DYNC2H1: variants seen among roughly 807,000 people sequenced by gnomAD.
DYNC2H1 encodes dynein cytoplasmic 2 heavy chain 1.
A neutral mutation model predicts 570.0 loss-of-function variants in DYNC2H1; 410 were observed. That is an observed-to-expected ratio of 0.72 (90% CI 0.66 to 0.78). DYNC2H1 has a LOEUF of 0.78. Among genes scored for constraint, DYNC2H1 ranks in the 30% least tolerant of loss-of-function variants. The probability of loss-of-function intolerance (pLI) is 0.00; values close to 1 mark genes in which losing one functional copy is unlikely to be tolerated. For synonymous variants in DYNC2H1, 1,688 were observed against 1,677.6 expected, an observed-to-expected ratio of 1.01 and a Z score of -0.15; for missense variants, 4,865 against 5,046.4, an observed-to-expected ratio of 0.96 and a Z score of 1.09.
At chr11:103,218,976 A>G (rs1012855355) in intron 55 of DYNC2H1, among the ~76,000 whole-genome samples, 1 of 152,234 alleles carries the variant, frequency 6.6e-6, no homozygotes, top group Admixed American at 6.5e-5. Context: ...ATTAAATGCT[A>G]TACAAACTCA....
At chr11:103,333,761 A>G (rs11225719) in intron 82 of DYNC2H1, among the ~76,000 whole-genome samples, 7,947 of 152,316 alleles carry the variant, frequency 0.052, 258 homozygotes, top group Non-Finnish European at 0.076. Context: ...CAAAAATCCA[A>G]TAAATAGAAG....
intron 69 of DYNC2H1, among the ~76,000 whole-genome samples, chr11:103,258,515 G>A (rs1424257172): frequency 1.3e-5 from 2 of 152,190 alleles, no homozygotes; most frequent in African/African-American, 2.4e-5. Context: ...TCAGCTGAGA[G>A]GACTTGAGAG....
chr11:103,351,175 G>GTT (rs1472442648), intron 82 of DYNC2H1, among the ~76,000 whole-genome samples: 12 of 152,120 alleles, frequency 7.9e-5, no homozygotes, highest in Non-Finnish European at 1.5e-4. Context: ...TGGGCTGGAA[G>GTT]GTTCAAAATG....
At chr11:103,172,989 T>G in intron 34 of DYNC2H1, 93 bp from the exon 35 acceptor site, 1 of 621,804 alleles carries the variant, frequency 1.6e-6, no homozygotes, top group Non-Finnish European at 2.2e-6. Context: ...GCATATTTTA[T>G]GTTTATAGTT....
intron 83 of DYNC2H1, among the ~76,000 whole-genome samples, chr11:103,374,103 T>A (rs779082055): frequency 3.3e-5 from 5 of 152,188 alleles, no homozygotes; most frequent in Non-Finnish European, 5.9e-5. Flanking sequence ...TAGGGTCTTG[T>A]TTATCGATTC....
chr11:103,293,632 A>G (rs1455364192), intron 75 of DYNC2H1, among the ~76,000 whole-genome samples: 7 of 151,306 alleles, frequency 4.6e-5, no homozygotes, highest in Non-Finnish European at 1.0e-4. Flanking sequence ...TTTCTCCTCT[A>G]TATTTTCATG....
At chr11:103,432,524 T>C (rs185861555) in intron 84 of DYNC2H1, among the ~76,000 whole-genome samples, 38 of 152,256 alleles carry the variant, frequency 2.5e-4, no homozygotes, top group Admixed American at 8.5e-4. Context: ...AAATGTGTTG[T>C]TGATGTTGCC....
Position 103,256,267 on chromosome 11 carries a change from G to A in DYNC2H1, c.10461+27G>A, listed in dbSNP as rs959890. The stretch of plus-strand genomic sequence containing the variant: ...TAATTATTTCCTTCTTTGTAATTTC[G>A]TATTATGTTTTCTTGAACATTTAGG... On this transcript the variant is annotated intron_variant, in intron 68 of 88. Transcript: ENST00000375735. The surrounding 1 kb of genome is among the most constrained non-coding windows in gnomAD (Gnocchi z 4.0). 174,563 of 1,561,820 alleles carry A rather than the reference G, an allele frequency of 0.11. 10,506 individuals are homozygous for A. Among genetic ancestry groups the A allele is most frequent in the East Asian group, 0.12 (5,213 of 43,386 alleles).
Position 103,275,599 on chromosome 11 carries a change from T to C in DYNC2H1, c.10696-4749T>C, listed in dbSNP as rs555358477. Among the ~76,000 whole-genome samples, 28 of 152,362 alleles carry C rather than the reference T, an allele frequency of 1.8e-4. No individual in the cohort carries two copies. The highest frequency in any genetic ancestry group is 6.7e-4 in the African/African-American group (28 of 41,580). ...AATTATATTTGTCATATAATTGGAATCATACAGTATGTCAGTATGTAGCCT... is the reference window on the plus strand; with the variant it reads ...AATTATATTTGTCATATAATTGGAACCATACAGTATGTCAGTATGTAGCCT... On this transcript the variant is annotated intron_variant, in intron 70 of 88. Coordinates refer to ENST00000375735, the MANE Select transcript of DYNC2H1 (RefSeq NM_001377.3). The surrounding 1 kb of genome is among the most constrained non-coding windows in gnomAD (Gnocchi z 4.8).
At chr11:103,316,492 T>C (rs1319919046) in intron 79 of DYNC2H1, 53 bp from the exon 80 acceptor site, 8 of 1,241,664 alleles carry the variant, frequency 6.4e-6, no homozygotes, top group Non-Finnish European at 9.0e-6. Flanking sequence ...TACATACATA[T>C]ATATCTTTGA....
intron 84 of DYNC2H1, among the ~76,000 whole-genome samples, chr11:103,408,615 C>T (rs571074170): frequency 6.6e-6 from 1 of 152,076 alleles, no homozygotes; most frequent in African/African-American, 2.4e-5. Context: ...ACTCAGATCA[C>T]ATAGGACTTT....
In DYNC2H1 at chr11:103,179,236, A is replaced by G; in HGVS notation, c.6347+3A>G. 6.2e-7 allele frequency: 1 copy of G among 1,612,154 alleles called. No homozygotes were observed. The highest frequency in any genetic ancestry group is 8.5e-7 in the Non-Finnish European group (1 of 1,178,620). ...AGAATGGGAATGATCTTTCTTAGGT[A>G]AGCCATAGATTATTTATATACAGTA... On this transcript the variant is annotated splice_donor_region_variant and intron_variant, in intron 39 of 88. Transcript: ENST00000375735.
At chr11:103,389,565 C>T (rs1212534529) in intron 83 of DYNC2H1, among the ~76,000 whole-genome samples, 5 of 152,022 alleles carry the variant, frequency 3.3e-5, no homozygotes, top group Non-Finnish European at 7.4e-5. Flanking sequence ...GCTCTTGCTT[C>T]TCTAGTTTTT....
At chr11:103,118,351 C>A (rs1858522506) in intron 6 of DYNC2H1, among the ~76,000 whole-genome samples, 1 of 150,096 alleles carries the variant, frequency 6.7e-6, no homozygotes, top group Non-Finnish European at 1.5e-5. Flanking sequence ...TTATTAGAGA[C>A]TTTTTTAAAA....
chr11:103,234,763 A>ATGTG (rs1054959856), intron 61 of DYNC2H1, among the ~76,000 whole-genome samples: 29 of 151,850 alleles, frequency 1.9e-4, no homozygotes, highest in African/African-American at 6.0e-4. Flanking sequence ...TGAGTTTTAA[A>ATGTG]TGTGTATTTC....
At chr11:103,455,120 G>A in intron 85 of DYNC2H1, 66 bp from the exon 86 acceptor site, 2 of 1,151,796 alleles carry the variant, frequency 1.7e-6, no homozygotes, top group Non-Finnish European at 2.5e-6. Flanking sequence ...TATTGAAAAT[G>A]ACTTAAGTCT....
intron 73 of DYNC2H1, among the ~76,000 whole-genome samples, chr11:103,284,885 C>T (rs536428182): frequency 9.9e-5 from 15 of 152,070 alleles, no homozygotes; most frequent in Admixed American, 7.2e-4. Flanking sequence ...GATCTTACAC[C>T]GCACTCTTGA....
At position 103,186,081 on chromosome 11, in the gene DYNC2H1, A is replaced by G. The variant is rs185973932; in HGVS notation, c.6634-161A>G. On this transcript the variant is annotated intron_variant, in intron 41 of 88. Coordinates refer to ENST00000375735, the MANE Select transcript of DYNC2H1 (RefSeq NM_001377.3). This position sits in a 1 kb window ranked among gnomAD's most constrained non-coding sequence, Gnocchi z 4.5. ...CATAAATGATCATTTAGAGAAAAAT[A>G]TTTGAGATAAAATGTTACATTAATG... 3.2e-4 allele frequency among the ~76,000 whole-genome samples: 48 copies of G among 152,156 alleles called. No individual in the cohort carries two copies. Among genetic ancestry groups the G allele is most frequent in the African/African-American group, 1.1e-3 (47 of 41,564 alleles).
chr11:103,341,615 A>T (rs1939444761), intron 82 of DYNC2H1, among the ~76,000 whole-genome samples: 1 of 152,154 alleles, frequency 6.6e-6, no homozygotes, highest in African/African-American at 2.4e-5. Context: ...TAATTTTTGG[A>T]GTATCTGTAC....
Sources: gnomAD v4.1 joint callset for allele counts (sites outside exome capture counted in the v4.1 genomes callset) on GRCh38, gnomAD v4.1.1 for gene constraint, Gnocchi (gnomAD v3.1) non-coding constraint, MANE v1.5 for transcripts, NCBI Gene and HGNC (gene_info 2026-07-23, HGNC 2026-07-21) for gene names.